Variants in RAB43 observed in about 807,000 individuals in gnomAD.
RAB43 encodes the protein RAB43, member RAS oncogene family, also known as ras-related protein Rab-43.
Under a neutral mutation model 18.8 loss-of-function variants are expected in RAB43, and 6 were observed. The observed-to-expected ratio is 0.32, with a 90% CI of 0.17 to 0.63. The LOEUF (loss-of-function observed/expected upper bound fraction) is 0.63. Ranked by LOEUF, RAB43 falls within the 30% of genes least tolerant of loss-of-function variation. The probability of loss-of-function intolerance (pLI) is 0.79; values close to 1 mark genes in which losing one functional copy is unlikely to be tolerated. For synonymous variants in RAB43, 103 were observed against 124.1 expected (o/e 0.83, Z 1.13); for missense variants, 195 against 289.1 (o/e 0.67, Z 2.36).
Position 129,120,642 on chromosome 3 carries a change from G to A in RAB43, c.204+644C>T, listed in dbSNP as rs1935842044. ...AGCTTGGTTCTCTCCCCCACCTTCC[G>A]GTATCTGTGAAGTTTTCAGTTTCTA... is the stretch of plus-strand genomic sequence containing the variant. On this transcript the variant is annotated intron_variant, in intron 1 of 2. Coordinates refer to ENST00000315150, the MANE Select transcript of RAB43 (RefSeq NM_198490.3). Among the ~76,000 whole-genome samples, 6 of 152,170 alleles carry A rather than the reference G, an allele frequency of 3.9e-5. 1 individual carries two copies. Among genetic ancestry groups the A allele is most frequent in the Admixed American group, 2.6e-4 (4 of 15,280 alleles).
At chr3:129,097,689 C>T (rs1285513426) in intron 1 of RAB43, among the ~76,000 whole-genome samples, 1 of 152,150 alleles carries the variant, frequency 6.6e-6, no homozygotes, top group African/African-American at 2.4e-5. Context: ...TAGACATCAG[C>T]CAACTTGGAG....
In RAB43 at chr3:129,108,636, C is replaced by G. The variant is rs574986129; in HGVS notation, c.204+12650G>C. 2.0e-5 allele frequency among the ~76,000 whole-genome samples: 3 copies of G among 152,284 alleles called. No homozygotes were observed. The East Asian group carries it at 5.8e-4, about 29-fold the overall frequency. On this transcript the variant is annotated intron_variant, in intron 1 of 2. Coordinates refer to ENST00000315150, the MANE Select transcript of RAB43 (RefSeq NM_198490.3). ...GGGTGTCAGATGGGTAATTCTCAGC[C>G]AACAACCATAACTAAGCTCGACAGA...
intron 1 of RAB43, among the ~76,000 whole-genome samples, chr3:129,100,822 T>C (rs1934365800): frequency 6.6e-6 from 1 of 152,238 alleles, no homozygotes; most frequent in Non-Finnish European, 1.5e-5. Flanking sequence ...TTTTCTTTTT[T>C]TTTGAGACGA....
At chr3:129,100,085 C>T (rs965869790) in intron 1 of RAB43, among the ~76,000 whole-genome samples, 9 of 151,818 alleles carry the variant, frequency 5.9e-5, no homozygotes, top group Non-Finnish European at 1.0e-4. Context: ...GTCAAAATGA[C>T]AGAAAACAAG....
intron 1 of RAB43, among the ~76,000 whole-genome samples, chr3:129,100,767 GCT>G (rs1216773416): frequency 1.3e-5 from 2 of 152,164 alleles, no homozygotes; most frequent in Non-Finnish European, 2.9e-5. Context: ...ATGACCTGAT[GCT>G]CTGTCACCAG....
At chr3:129,116,756 G>C (rs953439903) in intron 1 of RAB43, among the ~76,000 whole-genome samples, 1 of 152,206 alleles carries the variant, frequency 6.6e-6, no homozygotes, top group East Asian at 1.9e-4. Flanking sequence ...GCCTGAGAGA[G>C]AGCTGAATAG....
chr3:129,111,222 C>G (rs1408365407), intron 1 of RAB43, among the ~76,000 whole-genome samples: 1 of 151,802 alleles, frequency 6.6e-6, no homozygotes, highest in Non-Finnish European at 1.5e-5. Flanking sequence ...AGTAGAGCTT[C>G]AAGAGTCCAT....
chr3:129,115,779 C>T (rs1402957321), intron 1 of RAB43, among the ~76,000 whole-genome samples: 1 of 152,192 alleles, frequency 6.6e-6, no homozygotes, highest in South Asian at 2.1e-4. Context: ...CGAGATCACA[C>T]CACTCCACTC....
At chr3:129,104,406 C>T (rs1243216978) in intron 1 of RAB43, among the ~76,000 whole-genome samples, 6 of 152,188 alleles carry the variant, frequency 3.9e-5, no homozygotes, top group African/African-American at 1.4e-4. Context: ...GAACTTTTCC[C>T]AGCAGGCTTG....
intron 1 of RAB43, among the ~76,000 whole-genome samples, chr3:129,106,548 C>T (rs1934794115): frequency 6.6e-6 from 1 of 152,224 alleles, no homozygotes; most frequent in Admixed American, 6.5e-5. Flanking sequence ...AGCAAAACCT[C>T]TAGCATATTA....
chr3:129,107,212 C>T lies in RAB43; in HGVS notation c.205-12043G>A, dbSNP rs1423929607. Among the ~76,000 whole-genome samples the T allele has an allele frequency of 6.6e-6, 1 of 152,222 alleles. No individual in the cohort carries two copies. The highest frequency in any genetic ancestry group is 6.5e-5 in the Admixed American group (1 of 15,290). ...AGCAGAGGTCTGTCTGACTCCGAAG[C>T]CTGGTGTCCTTTACCATGGACGCGG... On this transcript the variant is annotated intron_variant, in intron 1 of 2. Transcript: ENST00000315150. The surrounding 1 kb of genome is among the most constrained non-coding windows in gnomAD (Gnocchi z 4.2).
At chr3:129,116,462 C>T (rs1030516286) in intron 1 of RAB43, among the ~76,000 whole-genome samples, 3 of 152,208 alleles carry the variant, frequency 2.0e-5, no homozygotes, top group African/African-American at 7.2e-5. Flanking sequence ...AAAAGTCAAA[C>T]AAACTTTATC....
intron 1 of RAB43, among the ~76,000 whole-genome samples, chr3:129,121,066 T>A: frequency 4.2e-5 from 2 of 47,320 alleles, no homozygotes; most frequent in Admixed American, 3.0e-4. Context: ...CCACACTCCC[T>A]CGCCCCCCCC....
At chr3:129,097,114 C>CA (rs1017508876) in intron 1 of RAB43, among the ~76,000 whole-genome samples, 69 of 147,922 alleles carry the variant, frequency 4.7e-4, no homozygotes, top group Non-Finnish European at 9.0e-4. Context: ...GAGACTGTCT[C>CA]AAAAAAAAAG....
At chr3:129,119,950 C>T (rs1449558168) in intron 1 of RAB43, among the ~76,000 whole-genome samples, 1 of 152,118 alleles carries the variant, frequency 6.6e-6, no homozygotes, top group Non-Finnish European at 1.5e-5. Context: ...CACTCAATAA[C>T]GGACACTCCA....
chr3:129,098,789 C>T lies in RAB43; in HGVS notation c.205-3620G>A, dbSNP rs146713330. ...AAACTATTTATTATTATTAAAATTA[C>T]GGGCTGGGTGCAGTGTTTCATGCCC... On this transcript the variant is annotated intron_variant, in intron 1 of 2. Coordinates refer to ENST00000315150, the MANE Select transcript of RAB43 (RefSeq NM_198490.3). Among the ~76,000 whole-genome samples the T allele has an allele frequency of 9.3e-3, 1,421 of 152,124 alleles. 19 individuals are homozygous for T. The highest frequency in any genetic ancestry group is 0.032 in the African/African-American group (1,322 of 41,516).
chr3:129,110,634 C>G lies in RAB43; in HGVS notation c.204+10652G>C, dbSNP rs145565582. On this transcript the variant is annotated intron_variant, in intron 1 of 2. Coordinates refer to ENST00000315150, the MANE Select transcript of RAB43 (RefSeq NM_198490.3). The stretch of plus-strand genomic sequence containing the variant: ...CGGGCGGATCACGAGGTCAGAAGAT[C>G]AAGACGATCCTGACTAACATGGTGA... Among the ~76,000 whole-genome samples, 395 of 152,106 alleles carry G rather than the reference C, an allele frequency of 2.6e-3. 3 individuals carry two copies. The highest frequency in any genetic ancestry group is 8.9e-3 in the African/African-American group (371 of 41,508).
In RAB43 at chr3:129,121,512, CGG is replaced by C. The variant is rs1302186707; in HGVS notation, c.-25_-24del. The C allele has an allele frequency of 4.4e-6, 7 of 1,580,062 alleles. No homozygotes were observed. In the East Asian group the frequency reaches 1.6e-4, roughly 36 times the overall value. Reference sequence around the variant, plus strand: ...CATGGCCTAGAAGAAGCCGAAGGGCCGGCGCTCTGGACGCTGGGACCGGCCTG... The same window carrying C: ...CATGGCCTAGAAGAAGCCGAAGGGCCCGCTCTGGACGCTGGGACCGGCCTG... On this transcript the variant is annotated 5_prime_UTR_variant, in exon 1 of 3. Transcript: ENST00000315150.
intron 1 of RAB43, among the ~76,000 whole-genome samples, chr3:129,112,432 A>T (rs1434101718): frequency 6.6e-6 from 1 of 152,158 alleles, no homozygotes; most frequent in Non-Finnish European, 1.5e-5. Context: ...CCTTTTTTCA[A>T]AGAATAACAG....
Sources: gnomAD v4.1 joint callset for allele counts (sites outside exome capture counted in the v4.1 genomes callset) on GRCh38, gnomAD v4.1.1 for gene constraint, Gnocchi (gnomAD v3.1) non-coding constraint, MANE v1.5 for transcripts, NCBI Gene and HGNC (gene_info 2026-07-23, HGNC 2026-07-21) for gene names.